SH3GL2: variants seen among roughly 807,000 people sequenced by gnomAD.
SH3GL2 encodes endophilin-A1.
A neutral mutation model predicts 46.0 loss-of-function variants in SH3GL2; 24 were observed. The observed-to-expected ratio is 0.52, with a 90% CI of 0.38 to 0.73. The LOEUF is 0.73. Ranked by LOEUF, SH3GL2 falls within the 30% of genes least tolerant of loss-of-function variation. The probability of loss-of-function intolerance (pLI) is 0.00; values close to 1 mark genes in which losing one functional copy is unlikely to be tolerated. For missense variants in SH3GL2, 413 were observed against 424.2 expected, an observed-to-expected ratio of 0.97 and a Z score of 0.23; for synonymous variants, 196 against 147.1, an observed-to-expected ratio of 1.33 and a Z score of -2.40.
chr9:17,608,064 G>C lies in SH3GL2; in HGVS notation c.45+28777G>C, dbSNP rs866428118. On this transcript the variant is annotated intron_variant, in intron 1 of 8. Coordinates refer to ENST00000380607, the MANE Select transcript of SH3GL2 (RefSeq NM_003026.5). Reference sequence around the variant, plus strand: ...ATCTTTGTGTTTGGGGGGCTGTTTTGCACTTGTATATATAAACAAGTGAGG... The same window carrying C: ...ATCTTTGTGTTTGGGGGGCTGTTTTCCACTTGTATATATAAACAAGTGAGG... Among the ~76,000 whole-genome samples, 89 of 151,450 alleles carry C rather than the reference G, an allele frequency of 5.9e-4. 1 individual carries two copies. Among genetic ancestry groups the C allele is most frequent in the African/African-American group, 2.1e-3 (86 of 41,268 alleles).
At chr9:17,688,731 C>G (rs1395730547) in intron 1 of SH3GL2, among the ~76,000 whole-genome samples, 2 of 151,844 alleles carry the variant, frequency 1.3e-5, no homozygotes, top group Admixed American at 6.6e-5. Flanking sequence ...CTCCTAATGG[C>G]CAAAGACAGA....
At chr9:17,775,990 T>C (rs571311240) in intron 3 of SH3GL2, among the ~76,000 whole-genome samples, 1 of 152,328 alleles carries the variant, frequency 6.6e-6, no homozygotes, top group African/African-American at 2.4e-5. Flanking sequence ...TACAGCAATT[T>C]AAATCAGGTT....
intron 1 of SH3GL2, among the ~76,000 whole-genome samples, chr9:17,714,387 C>G (rs1821701591): frequency 6.6e-6 from 1 of 151,668 alleles, no homozygotes; most frequent in African/African-American, 2.4e-5. Context: ...TAGGTTTAAA[C>G]CAGTCATCTT....
chr9:17,627,533 A>G (rs190061571), intron 1 of SH3GL2, among the ~76,000 whole-genome samples: 3 of 152,364 alleles, frequency 2.0e-5, no homozygotes, highest in African/African-American at 7.2e-5. Flanking sequence ...ATCACAAACA[A>G]TAAAGTAATC....
intron 3 of SH3GL2, among the ~76,000 whole-genome samples, chr9:17,773,097 A>G (rs1368237573): frequency 6.6e-6 from 1 of 151,988 alleles, no homozygotes; most frequent in Non-Finnish European, 1.5e-5. Flanking sequence ...GAAGTTAACC[A>G]CCTTTTTATG....
chr9:17,719,697 G>T (rs59360735), intron 1 of SH3GL2, among the ~76,000 whole-genome samples: 10,245 of 151,846 alleles, frequency 0.067, 486 homozygotes, highest in Admixed American at 0.14. Context: ...GGAGGCTGAG[G>T]TGGGAGGATC....
At chr9:17,666,182 A>C (rs1389873938) in intron 1 of SH3GL2, among the ~76,000 whole-genome samples, 1 of 151,938 alleles carries the variant, frequency 6.6e-6, no homozygotes. Context: ...TACTGCATTC[A>C]GAAGTTACTT....
chr9:17,702,262 A>G (rs771751628), intron 1 of SH3GL2, among the ~76,000 whole-genome samples: 10 of 152,114 alleles, frequency 6.6e-5, no homozygotes, highest in Admixed American at 1.3e-4. Context: ...TTCCAGTGGA[A>G]TAAATAAAGA....
At chr9:17,691,062 C>T (rs1348179194) in intron 1 of SH3GL2, among the ~76,000 whole-genome samples, 1 of 152,146 alleles carries the variant, frequency 6.6e-6, no homozygotes, top group Non-Finnish European at 1.5e-5. Flanking sequence ...TCTGAAACCT[C>T]TTATTACCAA....
At chr9:17,625,131 C>G (rs1278837244) in intron 1 of SH3GL2, among the ~76,000 whole-genome samples, 1 of 152,162 alleles carries the variant, frequency 6.6e-6, no homozygotes, top group African/African-American at 2.4e-5. Flanking sequence ...GGCACTCTCT[C>G]ATGCTTGCAT....
At chr9:17,708,040 G>C (rs932084070) in intron 1 of SH3GL2, among the ~76,000 whole-genome samples, 5 of 152,032 alleles carry the variant, frequency 3.3e-5, no homozygotes, top group African/African-American at 9.7e-5. Context: ...AATTCAGCAA[G>C]TCCTTATCTC....
chr9:17,754,536 G>C (rs953557381), intron 2 of SH3GL2, among the ~76,000 whole-genome samples: 3 of 152,204 alleles, frequency 2.0e-5, no homozygotes, highest in African/African-American at 7.2e-5. Context: ...AGCTGGGTAT[G>C]GTGGCAGGCG....
At chr9:17,769,918 A>T (rs1823422881) in intron 3 of SH3GL2, among the ~76,000 whole-genome samples, 1 of 152,206 alleles carries the variant, frequency 6.6e-6, no homozygotes, top group Admixed American at 6.5e-5. Context: ...GTCATTGAAG[A>T]CAAGGACTAT....
intron 1 of SH3GL2, among the ~76,000 whole-genome samples, chr9:17,720,930 T>C (rs1443236152): frequency 6.6e-6 from 1 of 152,046 alleles, no homozygotes; most frequent in Non-Finnish European, 1.5e-5. Flanking sequence ...AGAGGAAACA[T>C]TTTGATTGGA....
chr9:17,650,561 AG>A (rs1819931569), intron 1 of SH3GL2, among the ~76,000 whole-genome samples: 1 of 151,992 alleles, frequency 6.6e-6, no homozygotes, highest in Admixed American at 6.6e-5. Context: ...TAGTAGAGAC[AG>A]GGTTTCACCA....
chr9:17,665,131 G>C (rs183668444), intron 1 of SH3GL2, among the ~76,000 whole-genome samples: 145 of 152,056 alleles, frequency 9.5e-4, no homozygotes, highest in African/African-American at 3.3e-3. Flanking sequence ...TCTCTGAACC[G>C]TTTAAGAGTT....
intron 2 of SH3GL2, among the ~76,000 whole-genome samples, chr9:17,752,705 T>C (rs1822880977): frequency 6.6e-6 from 1 of 152,142 alleles, no homozygotes; most frequent in African/African-American, 2.4e-5. Flanking sequence ...AATTTCTTTC[T>C]TTTTTTAAAC....
intron 1 of SH3GL2, among the ~76,000 whole-genome samples, chr9:17,642,075 T>G (rs962872927): frequency 1.3e-5 from 2 of 152,046 alleles, no homozygotes; most frequent in African/African-American, 2.4e-5. Context: ...AAAGCATTCC[T>G]GTTTCTCCAC....
At chr9:17,673,505 C>G (rs1166808521) in intron 1 of SH3GL2, among the ~76,000 whole-genome samples, 2 of 152,016 alleles carry the variant, frequency 1.3e-5, no homozygotes, top group African/African-American at 4.8e-5. Flanking sequence ...AGTCCATCTT[C>G]TATACGCAAC....
Sources: allele counts gnomAD v4.1 joint callset (sites outside exome capture counted in the v4.1 genomes callset), GRCh38; gene constraint gnomAD v4.1.1; transcripts MANE v1.5; gene names NCBI Gene and HGNC (gene_info 2026-07-23, HGNC 2026-07-21).